SLMAP: variants seen among roughly 807,000 people sequenced by gnomAD.
SLMAP encodes the protein sarcolemma associated protein, also known as sarcolemmal membrane-associated protein.
Under a neutral mutation model 128.8 loss-of-function variants are expected in SLMAP, and 44 were observed. The observed-to-expected ratio is 0.34, with a 90% CI of 0.27 to 0.44. SLMAP has a LOEUF of 0.44. SLMAP is among the 20% of genes least tolerant of loss of function. The pLI, the probability that SLMAP is intolerant of heterozygous loss-of-function variation, is 1.00. For synonymous variants in SLMAP, 327 were observed against 348.8 expected, an observed-to-expected ratio of 0.94 and a Z score of 0.70; for missense variants, 787 against 985.3, an observed-to-expected ratio of 0.80 and a Z score of 2.69.
intron 2 of SLMAP, among the ~76,000 whole-genome samples, chr3:57,787,409 T>A (rs1371929598): frequency 6.6e-6 from 1 of 152,218 alleles, no homozygotes; most frequent in Admixed American, 6.5e-5. Context: ...GGTAGATTAG[T>A]TCATGGGGTC....
intron 2 of SLMAP, among the ~76,000 whole-genome samples, chr3:57,768,540 A>G (rs573049450): frequency 1.6e-4 from 24 of 152,290 alleles, no homozygotes; most frequent in Non-Finnish European, 3.1e-4. Flanking sequence ...GCAACTGTTT[A>G]TATGAAATGT....
intron 2 of SLMAP, among the ~76,000 whole-genome samples, chr3:57,823,661 A>AT (rs2092705626): frequency 6.6e-6 from 1 of 152,170 alleles, no homozygotes; most frequent in African/African-American, 2.4e-5. Flanking sequence ...GCTATTGTGA[A>AT]TAGTGCCGCA....
intron 2 of SLMAP, among the ~76,000 whole-genome samples, chr3:57,769,972 T>C (rs1010248746): frequency 1.1e-4 from 16 of 152,346 alleles, no homozygotes; most frequent in African/African-American, 3.8e-4. Flanking sequence ...CTCAATCAGT[T>C]CAGCATAAGA....
chr3:57,926,209 A>G (rs2097005598), intron 24 of SLMAP: 5 of 400,158 alleles, frequency 1.2e-5, no homozygotes, highest in African/African-American at 2.1e-5. Flanking sequence ...CTTTATCTCT[A>G]GCAAACTGGA....
intron 14 of SLMAP, among the ~76,000 whole-genome samples, chr3:57,883,592 C>G (rs922957917): frequency 1.3e-5 from 2 of 152,070 alleles, no homozygotes; most frequent in Non-Finnish European, 2.9e-5. Flanking sequence ...TGATTAAATA[C>G]GGTGAATGGA....
chr3:57,921,687 T>G (rs571626255), intron 22 of SLMAP, among the ~76,000 whole-genome samples: 1 of 152,208 alleles, frequency 6.6e-6, no homozygotes, highest in Non-Finnish European at 1.5e-5. Context: ...TTAAAATGAC[T>G]TAGTTGATAA....
chr3:57,871,979 A>G (rs553030973), intron 14 of SLMAP, among the ~76,000 whole-genome samples: 7 of 152,244 alleles, frequency 4.6e-5, no homozygotes, highest in Non-Finnish European at 8.8e-5. Context: ...TAAATTTCTT[A>G]GAGAAAATGA....
At chr3:57,790,476 G>T (rs910158007) in intron 2 of SLMAP, among the ~76,000 whole-genome samples, 1 of 152,164 alleles carries the variant, frequency 6.6e-6, no homozygotes, top group Non-Finnish European at 1.5e-5. Flanking sequence ...GTGGAACACG[G>T]TGGTAAAATA....
chr3:57,831,886 A>G (rs762547816), intron 3 of SLMAP, among the ~76,000 whole-genome samples: 38 of 152,194 alleles, frequency 2.5e-4, no homozygotes, highest in Non-Finnish European at 4.0e-4. Flanking sequence ...CAATGAGATC[A>G]TCAGGGATCC....
intron 2 of SLMAP, among the ~76,000 whole-genome samples, chr3:57,807,904 C>CT: frequency 6.6e-6 from 1 of 152,178 alleles, no homozygotes; most frequent in East Asian, 1.9e-4. Context: ...TGGTCCTAGG[C>CT]TTTTTTTGTT....
intron 2 of SLMAP, among the ~76,000 whole-genome samples, chr3:57,824,564 T>C (rs2092778145): frequency 6.6e-6 from 1 of 152,168 alleles, no homozygotes; most frequent in South Asian, 2.1e-4. Context: ...GCTGTAGATG[T>C]TTGGATTTAT....
chr3:57,890,086 C>G lies in SLMAP; in HGVS notation c.1346C>G (p.Thr449Arg). The change falls in exon 15 of 25, where the codon ACA becomes AGA. Residue 449 changes from threonine (T) to arginine (R), a missense_variant. This residue lies in a region of SLMAP where 715 missense variants were observed against 843.6 expected (regional missense o/e 0.85). Transcript: ENST00000671191. ...CATCTAACCAAAGCGGTAGAAGAAA[C>G]AAAGCTTTCAAAAGGTTTGTTTTCT... ...EGHLTKAVEE[T>R]KLSKENQTRA... 6.2e-7 allele frequency: 1 copy of G among 1,613,832 alleles called. No homozygotes were observed. Among genetic ancestry groups the G allele is most frequent in the Non-Finnish European group, 8.5e-7 (1 of 1,179,812 alleles).
At chr3:57,883,664 G>T (rs941562224) in intron 14 of SLMAP, among the ~76,000 whole-genome samples, 8 of 152,046 alleles carry the variant, frequency 5.3e-5, no homozygotes, top group African/African-American at 1.9e-4. Flanking sequence ...TGGGAGAGAA[G>T]ACTACAGTGG....
Position 57,770,451 on chromosome 3 carries a change from G to T in SLMAP, c.198+12602G>T, listed in dbSNP as rs142196567. ...GTTTAAGGCAGAAAAGCCTGAAAGA[G>T]AGTGATGTATTCTGGGAATGCAAAC... On this transcript the variant is annotated intron_variant, in intron 2 of 24. Coordinates refer to ENST00000671191, the MANE Select transcript of SLMAP (RefSeq NM_001377540.1). 2.8e-3 allele frequency among the ~76,000 whole-genome samples: 428 copies of T among 152,348 alleles called. 1 individual carries two copies. The highest frequency in any genetic ancestry group is 9.9e-3 in the African/African-American group (410 of 41,580).
intron 2 of SLMAP, among the ~76,000 whole-genome samples, chr3:57,760,628 C>T (rs949773768): frequency 1.3e-5 from 2 of 151,742 alleles, no homozygotes; most frequent in African/African-American, 4.8e-5. Context: ...TGCTGAGGCA[C>T]GAGGGTTGCT....
At chr3:57,813,258 G>A (rs2153517121) in intron 2 of SLMAP, among the ~76,000 whole-genome samples, 1 of 152,166 alleles carries the variant, frequency 6.6e-6, no homozygotes, top group East Asian at 1.9e-4. Context: ...ACTGTGCCCA[G>A]CTAATTTTTG....
chr3:57,928,643 G>A lies in SLMAP; in HGVS notation c.*1354G>A, dbSNP rs991577232. The A allele has an allele frequency of 6.6e-6, 1 of 152,166 alleles. No individual in the cohort carries two copies. The highest frequency in any genetic ancestry group is 2.4e-5 in the African/African-American group (1 of 41,462). 9.4% of individuals were successfully genotyped at this position (152,166 alleles called of 1,614,324 possible). On this transcript the variant is annotated 3_prime_UTR_variant, in exon 25 of 25. Transcript: ENST00000671191. ...TATTTAGGTCATAGAATATCCTAAAGTATCACATAGTTAAATTTTTCAGTC... is the reference window on the plus strand; with the variant it reads ...TATTTAGGTCATAGAATATCCTAAAATATCACATAGTTAAATTTTTCAGTC...
chr3:57,913,338 A>G (rs551008796), intron 21 of SLMAP, 63 bp downstream of exon 21: 3 of 695,842 alleles, frequency 4.3e-6, no homozygotes, highest in African/African-American at 3.6e-5. Flanking sequence ...TTTCATCTAA[A>G]TTAAATTTAA....
At chr3:57,767,942 CAAGTT>C (rs1311367366) in intron 2 of SLMAP, among the ~76,000 whole-genome samples, 1 of 152,152 alleles carries the variant, frequency 6.6e-6, no homozygotes, top group Non-Finnish European at 1.5e-5. Context: ...TGAAATAACT[CAAGTT>C]AATTATTTCT....
Sources: allele counts gnomAD v4.1 joint callset (sites outside exome capture counted in the v4.1 genomes callset), GRCh38; gene constraint gnomAD v4.1.1; regional missense constraint gnomAD v4.1.1; transcripts MANE v1.5; gene names NCBI Gene and HGNC (gene_info 2026-07-23, HGNC 2026-07-21).